BIRC6: variants seen among roughly 807,000 people sequenced by gnomAD.
BIRC6 encodes dual E2 ubiquitin-conjugating enzyme/E3 ubiquitin-protein ligase BIRC6.
In BIRC6, 98 loss-of-function variants were observed where a neutral mutation model predicts 503.3. The ratio of observed to expected loss-of-function variants is 0.19; its 90% CI spans 0.17 to 0.23. BIRC6 has a LOEUF of 0.23. Ranked by LOEUF, BIRC6 falls within the 10% of genes least tolerant of loss-of-function variation. The pLI is 1.00. For missense variants in BIRC6, 5,360 were observed against 5,806.0 expected, an observed-to-expected ratio of 0.92 and a Z score of 2.50; for synonymous variants, 2,240 against 2,078.7, an observed-to-expected ratio of 1.08 and a Z score of -2.11.
chr2:32,440,092 T>A (rs1487728439), intron 16 of BIRC6, among the ~76,000 whole-genome samples: 1 of 152,158 alleles, frequency 6.6e-6, no homozygotes, highest in Admixed American at 6.5e-5. Flanking sequence ...TTGGCCAGGC[T>A]GGTCTCAACT....
chr2:32,469,070 C>T (rs1423260041), intron 29 of BIRC6, among the ~76,000 whole-genome samples: 1 of 152,110 alleles, frequency 6.6e-6, no homozygotes, highest in Non-Finnish European at 1.5e-5. Context: ...TGAAACTTTT[C>T]ATAAATTGCT....
At chr2:32,482,211 T>C (rs2050487822) in intron 38 of BIRC6, among the ~76,000 whole-genome samples, 1 of 152,220 alleles carries the variant, frequency 6.6e-6, no homozygotes. Flanking sequence ...TACTTTCAGT[T>C]TCTAAACATA....
chr2:32,599,963 T>C, intron 70 of BIRC6, 63 bp downstream of exon 70: 3 of 1,509,256 alleles, frequency 2.0e-6, no homozygotes, highest in Non-Finnish European at 2.7e-6. Context: ...TCTTTGTAAT[T>C]TGAAGAAAAA....
chr2:32,546,014 G>C, intron 63 of BIRC6, among the ~76,000 whole-genome samples, 154 bp downstream of exon 63: 1 of 152,112 alleles, frequency 6.6e-6, no homozygotes, highest in Admixed American at 6.5e-5. Context: ...TAAATTAATT[G>C]TTTTCTCTAT....
At chr2:32,359,640 G>A (rs761390270) in intron 1 of BIRC6, among the ~76,000 whole-genome samples, 3 of 152,070 alleles carry the variant, frequency 2.0e-5, no homozygotes, top group Non-Finnish European at 2.9e-5. Flanking sequence ...TATAGTGAAC[G>A]GAATGAAGGA....
intron 56 of BIRC6, 52 bp from the exon 57 acceptor site, chr2:32,518,765 A>C: frequency 6.4e-7 from 1 of 1,564,576 alleles, no homozygotes; most frequent in Non-Finnish European, 8.8e-7. Context: ...TTTTATAACA[A>C]TATGTATTCC....
chr2:32,364,739 A>G (rs1365206145), intron 1 of BIRC6, among the ~76,000 whole-genome samples: 1 of 149,428 alleles, frequency 6.7e-6, no homozygotes, highest in Admixed American at 6.7e-5. Context: ...CTGTAGCTTC[A>G]GTGAGGTTTA....
chr2:32,533,372 A>G (rs1046371047), intron 61 of BIRC6, among the ~76,000 whole-genome samples: 6 of 152,242 alleles, frequency 3.9e-5, no homozygotes, highest in Non-Finnish European at 8.8e-5. Flanking sequence ...AAGTGGTGAA[A>G]GTACAACCTG....
At chr2:32,538,455 T>A (rs2057407710) in intron 61 of BIRC6, among the ~76,000 whole-genome samples, 1 of 152,130 alleles carries the variant, frequency 6.6e-6, no homozygotes. Flanking sequence ...GAATAAAGGC[T>A]ACAGCCTAAT....
At chr2:32,377,375 A>T (rs977567737) in intron 1 of BIRC6, among the ~76,000 whole-genome samples, 21 of 152,028 alleles carry the variant, frequency 1.4e-4, no homozygotes, top group Admixed American at 1.0e-3. Context: ...TTGGTTGTCA[A>T]ATTTTAGTAA....
intron 59 of BIRC6, 134 bp downstream of exon 59, chr2:32,525,762 A>G (rs2056213983): frequency 3.7e-6 from 3 of 802,982 alleles, no homozygotes; most frequent in Non-Finnish European, 3.9e-6. Flanking sequence ...GACTTCTTCC[A>G]TACAGTTCCT....
intron 6 of BIRC6, among the ~76,000 whole-genome samples, chr2:32,400,887 G>T (rs1261474023): frequency 6.6e-6 from 1 of 152,090 alleles, no homozygotes; most frequent in African/African-American, 2.4e-5. Context: ...CATTGTATTG[G>T]TTTTTCAGTT....
At chr2:32,527,891 TAGA>T (rs1416100330) in intron 59 of BIRC6, 1 of 152,210 alleles carries the variant, frequency 6.6e-6, no homozygotes, top group East Asian at 1.9e-4. Flanking sequence ...AAGGTGCTTA[TAGA>T]AGAAGACATG....
intron 1 of BIRC6, among the ~76,000 whole-genome samples, chr2:32,376,577 T>A (rs1209747381): frequency 1.3e-5 from 2 of 152,276 alleles, no homozygotes; most frequent in East Asian, 3.9e-4. Flanking sequence ...GTTTTCTTAA[T>A]TTTTTAGATA....
chr2:32,522,475 A>C lies in BIRC6; in HGVS notation c.11624-2413A>C, dbSNP rs531502903. On this transcript the variant is annotated intron_variant, in intron 57 of 73. Transcript: ENST00000421745. ...CTTACTGTAATTATTGGTAATTTTTATAAACCAATGTTGTCTAGTTTGGTA... is the reference window on the plus strand; with the variant it reads ...CTTACTGTAATTATTGGTAATTTTTCTAAACCAATGTTGTCTAGTTTGGTA... 8 of 152,288 alleles carry C rather than the reference A, an allele frequency of 5.3e-5. 1 individual carries two copies. In the South Asian group the frequency reaches 1.2e-3, roughly 24 times the overall value. The allele number at this position is 152,288 out of a possible 1,614,324, so 9.4% of individuals were successfully genotyped here.
At chr2:32,375,536 C>G (rs995404688) in intron 1 of BIRC6, among the ~76,000 whole-genome samples, 2 of 152,052 alleles carry the variant, frequency 1.3e-5, no homozygotes, top group Non-Finnish European at 2.9e-5. Flanking sequence ...ATCCGCCCAC[C>G]TCGGCCTCCC....
rs1469558963 is a variant in BIRC6, at chr2:32,473,202, C to T, written c.6683C>T (p.Ser2228Phe). ...KGSSSLDRLYSRKIRKQLVHH... is the reference protein window; with the variant it reads ...KGSSSLDRLYFRKIRKQLVHH... ...AGCAGTAGCCTTGATAGATTATATT[C>T]CAGAAAAATCAGAAAGCAGCTTGTT... The change falls in exon 33 of 74, where the codon TCC (serine) becomes TTC (phenylalanine). Residue 2228 changes from serine to phenylalanine, a missense_variant. Ser to Phe is a radical substitution (Grantham distance 155). Transcript: ENST00000421745. The T allele has an allele frequency of 6.4e-7, 1 of 1,553,482 alleles. No homozygotes were observed.
intron 57 of BIRC6, among the ~76,000 whole-genome samples, chr2:32,519,396 C>T (rs1393401542): frequency 6.6e-6 from 1 of 152,196 alleles, no homozygotes; most frequent in African/African-American, 2.4e-5. Flanking sequence ...AGAAAGCAGA[C>T]AGAACATTTT....
intron 53 of BIRC6, among the ~76,000 whole-genome samples, chr2:32,511,549 C>T (rs1446942711): frequency 7.9e-6 from 1 of 127,214 alleles, no homozygotes. Flanking sequence ...TCAGGATGGT[C>T]TCAATCTCCT....
Sources: allele counts gnomAD v4.1 joint callset (sites outside exome capture counted in the v4.1 genomes callset), GRCh38; gene constraint gnomAD v4.1.1; transcripts MANE v1.5; gene names NCBI Gene and HGNC (gene_info 2026-07-23, HGNC 2026-07-21).